Variants in SMCHD1 observed in about 807,000 individuals in gnomAD.
SMCHD1 encodes structural maintenance of chromosomes flexible hinge domain containing 1, also known as structural maintenance of chromosomes flexible hinge domain-containing protein 1.
Under a neutral mutation model 254.7 loss-of-function variants are expected in SMCHD1, and 78 were observed. The ratio of observed to expected loss-of-function variants is 0.31; its 90% CI spans 0.26 to 0.37. SMCHD1 has a LOEUF of 0.37. SMCHD1 is among the 10% of genes least tolerant of loss of function. SMCHD1 has a pLI of 1.00. For missense variants in SMCHD1, 1,840 were observed against 2,408.1 expected (o/e 0.76, Z 4.94); for synonymous variants, 766 against 794.9 (o/e 0.96, Z 0.61).
intron 3 of SMCHD1, among the ~76,000 whole-genome samples, chr18:2,669,043 T>TAAAAAAAAA (rs550227541): frequency 7.2e-6 from 1 of 139,438 alleles, no homozygotes. Flanking sequence ...CCCAGCTAAT[T>TAAAAAAAAA]AAAAAAAAAA....
At chr18:2,662,178 ATAAAATAAATAAAT>A (rs1320967438) in intron 1 of SMCHD1, among the ~76,000 whole-genome samples, 2 of 95,122 alleles carry the variant, frequency 2.1e-5, no homozygotes, top group African/African-American at 1.4e-4. Context: ...AAAAAAAAAA[ATAAAATAAATAAAT>A]AAATAAATAA....
chr18:2,670,816 G>A (rs553712272), intron 3 of SMCHD1, among the ~76,000 whole-genome samples: 4 of 150,070 alleles, frequency 2.7e-5, no homozygotes, highest in Non-Finnish European at 4.4e-5. Context: ...CAGGAGAATC[G>A]CTTGAACCTG....
At chr18:2,744,306 T>C (rs714752) in intron 29 of SMCHD1, among the ~76,000 whole-genome samples, 30,861 of 152,158 alleles carry the variant, frequency 0.2, 3,377 homozygotes, top group South Asian at 0.33. Flanking sequence ...TAACTTTTTA[T>C]TGGAGTTTTA....
At chr18:2,680,782 A>G (rs528911541) in intron 5 of SMCHD1, among the ~76,000 whole-genome samples, 5 of 152,224 alleles carry the variant, frequency 3.3e-5, no homozygotes, top group South Asian at 2.1e-4. Flanking sequence ...AACTGTTTTC[A>G]TTGCCTCAGA....
Position 2,740,813 on chromosome 18 carries a change from A to G in SMCHD1, c.3625A>G (p.Thr1209Ala), listed in dbSNP as rs745810454. The change falls in exon 28 of 48, where the codon ACC becomes GCC. Residue 1209 changes from threonine (T) to alanine (A), a missense_variant. Around this residue, in one of 9 missense-constraint regions of SMCHD1, gnomAD observed 881 missense variants for 1,009.5 expected, o/e 0.87. Transcript: ENST00000320876. ...ACTTGATAGCTCAAATTTGAAAACA[A>G]CCTTTCAGGTATGGCTACTTTCTAT... Reference protein sequence around the residue: ...VGLDSSNLKTTFQENTQSISV... With the variant: ...VGLDSSNLKTAFQENTQSISV... 6.3e-7 allele frequency: 1 copy of G among 1,590,360 alleles called. No individual in the cohort carries two copies. The highest frequency in any genetic ancestry group is 8.6e-7 in the Non-Finnish European group (1 of 1,161,306).
At chr18:2,775,075 T>A (rs1217323290) in intron 41 of SMCHD1, among the ~76,000 whole-genome samples, 5 of 114,784 alleles carry the variant, frequency 4.4e-5, no homozygotes, top group African/African-American at 1.9e-4. Flanking sequence ...ACAATTTTTT[T>A]TTTTTTTTTT....
intron 29 of SMCHD1, among the ~76,000 whole-genome samples, chr18:2,747,204 A>T (rs2075471982): frequency 6.6e-6 from 1 of 152,224 alleles, no homozygotes; most frequent in South Asian, 2.1e-4. Flanking sequence ...CTTAGGTTAT[A>T]TGCAAATACT....
rs769432583 is a variant in SMCHD1, at chr18:2,708,907, T to TATATATATATATATATAAAA, written c.2260+988_2260+989insTATATATATATATATAAAAA. On this transcript the variant is annotated intron_variant, in intron 17 of 47. Transcript: ENST00000320876. ...ATATATATATATATATATATATATA[T>TATATATATATATATATAAAA]AACATATTAACATGAAATTTATGAA... 9.4e-4 allele frequency among the ~76,000 whole-genome samples: 42 copies of TATATATATATATATATAAAA among 44,702 alleles called. 4 individuals carry two copies. The highest frequency in any genetic ancestry group is 2.3e-3 in the East Asian group (2 of 864). 29.3% of individuals were successfully genotyped at this position (44,702 alleles called of 152,430 possible).
Position 2,688,405 on chromosome 18 carries a change from G to T in SMCHD1, c.650G>T (p.Gly217Val), listed in dbSNP as rs754937252. The T allele has an allele frequency of 1.9e-6, 3 of 1,611,164 alleles. No individual in the cohort carries two copies. The Admixed American group carries it at 5.0e-5, about 27-fold the overall frequency. ...RQGDFESDHS[G>V]YVRPVPVPRS... The stretch of plus-strand genomic sequence containing the variant: ...ATGTTTTATTTTAGTGATCATTCAG[G>T]ATATGTTCGTCCAGTACCAGTGCCA... Residue 217 changes from glycine to valine, a missense_variant, in exon 6 of 48, where the codon GGA becomes GTA. This residue lies in a region of SMCHD1 where 498 missense variants were observed against 743.5 expected (regional missense o/e 0.67). Transcript: ENST00000320876.
At chr18:2,703,226 T>A (rs2074442930) in intron 12 of SMCHD1, among the ~76,000 whole-genome samples, 1 of 152,226 alleles carries the variant, frequency 6.6e-6, no homozygotes, top group Non-Finnish European at 1.5e-5. Context: ...AATGAAATTT[T>A]ACTACTGCAG....
At position 2,803,292 on chromosome 18, in the gene SMCHD1, A is replaced by C. The variant is rs2143891094; in HGVS notation, c.*740A>C. On this transcript the variant is annotated 3_prime_UTR_variant, in exon 48 of 48. Transcript: ENST00000320876. ...TTTGTTTGACTTTATTAATACTAGA[A>C]TATGTAGTCTCAGCCTTAATTTTAC... The C allele has an allele frequency of 6.7e-6, 1 of 150,160 alleles. No homozygotes were observed. The highest frequency in any genetic ancestry group is 1.9e-4 in the East Asian group (1 of 5,174). The allele number at this position is 150,160 out of a possible 1,614,324, so 9.3% of individuals were successfully genotyped here.
chr18:2,763,053 G>T (rs778765462), intron 36 of SMCHD1, among the ~76,000 whole-genome samples: 5 of 152,158 alleles, frequency 3.3e-5, no homozygotes, highest in Non-Finnish European at 7.4e-5. Context: ...TAGTGGGACT[G>T]CACCTTCATG....
chr18:2,763,550 CTG>C (rs776311160), intron 36 of SMCHD1, 85 bp from the exon 37 acceptor site: 63 of 1,057,338 alleles, frequency 6.0e-5, no homozygotes, highest in Non-Finnish European at 7.2e-5. Context: ...TGGGGGCTCT[CTG>C]TATTATTTCT....
At chr18:2,715,790 G>T (rs1188245761) in intron 17 of SMCHD1, among the ~76,000 whole-genome samples, 3 of 152,142 alleles carry the variant, frequency 2.0e-5, no homozygotes, top group Non-Finnish European at 4.4e-5. Context: ...CCATGAGACT[G>T]CAGTGAGCTA....
chr18:2,656,351 C>T, intron 1 of SMCHD1, 90 bp downstream of exon 1: 1 of 1,190,476 alleles, frequency 8.4e-7, no homozygotes. Flanking sequence ...GGGCAATAAA[C>T]CTGTCACCCG....
At chr18:2,731,418 C>A (rs964095972) in intron 24 of SMCHD1, among the ~76,000 whole-genome samples, 1 of 152,016 alleles carries the variant, frequency 6.6e-6, no homozygotes, top group African/African-American at 2.4e-5. Flanking sequence ...CACTGGTATG[C>A]CAATAATAAA....
intron 44 of SMCHD1, among the ~76,000 whole-genome samples, chr18:2,780,296 A>G (rs923559890): frequency 1.3e-5 from 2 of 151,728 alleles, no homozygotes; most frequent in Non-Finnish European, 2.9e-5. Flanking sequence ...TAGTTTAGGA[A>G]AACTAAATTA....
At chr18:2,681,893 G>A (rs61036665) in intron 5 of SMCHD1, among the ~76,000 whole-genome samples, 30,930 of 152,030 alleles carry the variant, frequency 0.2, 3,382 homozygotes, top group South Asian at 0.33. Flanking sequence ...GACCCATGCC[G>A]TATGTATTTT....
At chr18:2,670,168 C>T (rs1170028952) in intron 3 of SMCHD1, among the ~76,000 whole-genome samples, 1 of 152,194 alleles carries the variant, frequency 6.6e-6, no homozygotes, top group African/African-American at 2.4e-5. Context: ...TTACAGTTGC[C>T]TGCAGGGACT....
Sources: gnomAD v4.1 joint callset for allele counts (sites outside exome capture counted in the v4.1 genomes callset) on GRCh38, gnomAD v4.1.1 for gene constraint, gnomAD v4.1.1 regional missense constraint, MANE v1.5 for transcripts, NCBI Gene and HGNC (gene_info 2026-07-23, HGNC 2026-07-21) for gene names.